Variants in GLDC observed in about 807,000 individuals in gnomAD.
GLDC encodes glycine dehydrogenase (decarboxylating), mitochondrial.
Under a neutral mutation model 121.3 loss-of-function variants are expected in GLDC, and 104 were observed. The ratio of observed to expected loss-of-function variants is 0.86; its 90% CI spans 0.73 to 1.01. The LOEUF (loss-of-function observed/expected upper bound fraction) is 1.01, where lower values mean the gene tolerates loss of function less well. GLDC is among the 50% of genes least tolerant of loss of function. The pLI, the probability that GLDC is intolerant of heterozygous loss-of-function variation, is 0.00. For synonymous variants in GLDC, 546 were observed against 480.6 expected, an observed-to-expected ratio of 1.14 and a Z score of -1.78; for missense variants, 1,429 against 1,306.6, an observed-to-expected ratio of 1.09 and a Z score of -1.44.
At chr9:6,558,484 A>G (rs1473213895) in intron 17 of GLDC, 75 bp downstream of exon 17, 2 of 1,507,110 alleles carry the variant, frequency 1.3e-6, no homozygotes, top group East Asian at 2.3e-5. Flanking sequence ...ACATTTACAT[A>G]ATCCATCAAG....
Position 6,565,378 on chromosome 9 carries a change from G to C in GLDC, c.1902C>G (p.Asn634Lys), listed in dbSNP as rs770124547. 1 of 1,613,788 alleles carries C rather than the reference G, an allele frequency of 6.2e-7. No individual in the cohort carries two copies. The highest frequency in any genetic ancestry group is 8.5e-7 in the Non-Finnish European group (1 of 1,179,690). Residue 634 changes from asparagine to lysine, a missense_variant, in exon 16 of 25, where the codon AAC becomes AAG. Coordinates refer to ENST00000321612, the MANE Select transcript of GLDC (RefSeq NM_000170.3). ...AGLATIRAYLNQKGEGHRTVC... is the reference protein window; with the variant it reads ...AGLATIRAYLKQKGEGHRTVC... Reference sequence around the variant, plus strand: ...CCGTTCTGTGCCCCTCTCCTTTCTGGTTTAAGTAGGCTCGGATAGTGGCCA... The same window carrying C: ...CCGTTCTGTGCCCCTCTCCTTTCTGCTTTAAGTAGGCTCGGATAGTGGCCA...
At chr9:6,572,867 G>T (rs1435415379) in intron 15 of GLDC, among the ~76,000 whole-genome samples, 2 of 152,098 alleles carry the variant, frequency 1.3e-5, no homozygotes, top group African/African-American at 4.8e-5. Context: ...CCCTTAGGTG[G>T]CACATACTGT....
intron 2 of GLDC, among the ~76,000 whole-genome samples, chr9:6,642,485 C>T (rs1007583642): frequency 6.6e-6 from 1 of 152,136 alleles, no homozygotes; most frequent in Non-Finnish European, 1.5e-5. Context: ...GAGTAGAGAT[C>T]ATGCCACTGC....
At chr9:6,602,314 C>A (rs779367635) in intron 7 of GLDC, 109 bp from the exon 8 acceptor site, 2 of 734,030 alleles carry the variant, frequency 2.7e-6, no homozygotes, top group Non-Finnish European at 4.9e-6. Flanking sequence ...TCAGCAAATG[C>A]ACTTGGGTGC....
chr9:6,624,360 TAAG>T (rs903355847), intron 2 of GLDC, among the ~76,000 whole-genome samples: 1 of 152,140 alleles, frequency 6.6e-6, no homozygotes. Flanking sequence ...GGTGTCCTTA[TAAG>T]AAGAGCAAAA....
At chr9:6,644,057 A>AACCG (rs1819686768) in intron 2 of GLDC, among the ~76,000 whole-genome samples, 3 of 147,226 alleles carry the variant, frequency 2.0e-5, no homozygotes, top group Non-Finnish European at 3.0e-5. Context: ...AAAACGAAAA[A>AACCG]AAAAAGAAAA....
At chr9:6,585,286 C>T (rs1013691460) in intron 15 of GLDC, among the ~76,000 whole-genome samples, 1 of 152,154 alleles carries the variant, frequency 6.6e-6, no homozygotes, top group African/African-American at 2.4e-5. Context: ...AAATCACTCT[C>T]CAATATGACA....
chr9:6,575,754 T>C (rs924858582), intron 15 of GLDC, among the ~76,000 whole-genome samples: 11 of 152,324 alleles, frequency 7.2e-5, no homozygotes, highest in Admixed American at 5.2e-4. Context: ...ATGGGAGGTG[T>C]TAATTACTCT....
At position 6,611,380 on chromosome 9, in the gene GLDC, A is replaced by AC. The variant is rs542922063; in HGVS notation, c.471-1025dup. On this transcript the variant is annotated intron_variant, in intron 3 of 24. Coordinates refer to ENST00000321612, the MANE Select transcript of GLDC (RefSeq NM_000170.3). The stretch of plus-strand genomic sequence containing the variant: ...AGACCATCCTGGCTAACATGGTGAA[A>AC]CCCGTCTCTACTAAAAATACAAACA... Among the ~76,000 whole-genome samples, 636 of 152,118 alleles carry AC rather than the reference A, an allele frequency of 4.2e-3. 3 individuals carry two copies. The highest frequency in any genetic ancestry group is 7.0e-3 in the East Asian group (36 of 5,172).
chr9:6,578,975 A>C (rs1329442750), intron 15 of GLDC, among the ~76,000 whole-genome samples: 1 of 152,104 alleles, frequency 6.6e-6, no homozygotes, highest in East Asian at 1.9e-4. Flanking sequence ...AGCCTCTGTT[A>C]ATCTGTTTTC....
Position 6,610,185 on chromosome 9 carries a change from C to T in GLDC, c.635+7G>A, listed in dbSNP as rs768517762. 10 of 1,605,524 alleles carry T rather than the reference C, an allele frequency of 6.2e-6. No individual in the cohort carries two copies. Among genetic ancestry groups the T allele is most frequent in the South Asian group, 1.1e-5 (1 of 89,568 alleles). ...CTGGAATTCCAGCACTTTGAGAGGC[C>T]TCTCACCTGTAGCACAGCTGCAGTG... is the stretch of plus-strand genomic sequence containing the variant. On this transcript the variant is annotated splice_region_variant and intron_variant, in intron 4 of 24. Coordinates refer to ENST00000321612, the MANE Select transcript of GLDC (RefSeq NM_000170.3).
Position 6,587,267 on chromosome 9 carries a change from T to G in GLDC, c.1724A>C (p.Glu575Ala). Reference protein sequence around the residue: ...SSELAPITWKEFANIHPFVPL... With the variant: ...SSELAPITWKAFANIHPFVPL... ...CACAAAGGGGTGGATGTTTGCAAAT[T>G]CTTTCCATGTGATAGGCTGAAAAGA... is the stretch of plus-strand genomic sequence containing the variant. Residue 575 changes from glutamate to alanine, a missense_variant, in exon 15 of 25, where the codon GAA becomes GCA. Coordinates refer to ENST00000321612, the MANE Select transcript of GLDC (RefSeq NM_000170.3). 6.2e-7 allele frequency: 1 copy of G among 1,613,808 alleles called. No homozygotes were observed. Among genetic ancestry groups the G allele is most frequent in the Non-Finnish European group, 8.5e-7 (1 of 1,179,680 alleles).
intron 2 of GLDC, among the ~76,000 whole-genome samples, chr9:6,637,180 G>A (rs891288540): frequency 3.3e-5 from 5 of 151,094 alleles, no homozygotes; most frequent in Admixed American, 2.0e-4. Context: ...CGAGGCAGGC[G>A]GATCACTTGA....
intron 2 of GLDC, among the ~76,000 whole-genome samples, chr9:6,627,022 G>A (rs567347584): frequency 1.1e-4 from 17 of 152,264 alleles, no homozygotes; most frequent in African/African-American, 3.4e-4. Context: ...TGGGCCGGGC[G>A]TGGTGGCTCA....
At chr9:6,636,129 C>A (rs1047146858) in intron 2 of GLDC, among the ~76,000 whole-genome samples, 1 of 151,834 alleles carries the variant, frequency 6.6e-6, no homozygotes, top group Admixed American at 6.6e-5. Flanking sequence ...ATGGTGAAAC[C>A]CCCGTCTCTA....
intron 8 of GLDC, among the ~76,000 whole-genome samples, chr9:6,595,436 G>C (rs1818472960): frequency 6.6e-6 from 1 of 152,184 alleles, no homozygotes; most frequent in Admixed American, 6.5e-5. Context: ...GAGAAGCAAT[G>C]TTTAATGTTG....
intron 2 of GLDC, 148 bp downstream of exon 2, chr9:6,644,466 G>A (rs1305532517): frequency 1.5e-6 from 1 of 687,738 alleles, no homozygotes; most frequent in East Asian, 2.7e-5. Flanking sequence ...CCTTCCCGCG[G>A]CTCCGGAGGT....
chr9:6,636,776 A>C (rs35790929), intron 2 of GLDC, among the ~76,000 whole-genome samples: 3,374 of 152,036 alleles, frequency 0.022, 54 homozygotes, highest in Non-Finnish European at 0.034. Flanking sequence ...CCCCATCTCA[A>C]AAATAAAATT....
chr9:6,558,117 G>C (rs1817675260), intron 17 of GLDC: 2 of 253,544 alleles, frequency 7.9e-6, no homozygotes, highest in East Asian at 1.7e-4. Context: ...GGTTGAGAGT[G>C]GGGGTTGGTG....
Sources: allele counts gnomAD v4.1 joint callset (sites outside exome capture counted in the v4.1 genomes callset), GRCh38; gene constraint gnomAD v4.1.1; transcripts MANE v1.5; gene names NCBI Gene and HGNC (gene_info 2026-07-23, HGNC 2026-07-21).